Variants in RUNX1T1 observed in about 807,000 individuals in gnomAD.
RUNX1T1 encodes the protein RUNX1 partner transcriptional co-repressor 1, also known as protein CBFA2T1.
Under a neutral mutation model 62.8 loss-of-function variants are expected in RUNX1T1, and 4 were observed. That is an observed-to-expected ratio of 0.06 (90% CI 0.03 to 0.15). RUNX1T1 has a LOEUF of 0.15. Among genes scored for constraint, RUNX1T1 ranks in the 10% least tolerant of loss-of-function variants. RUNX1T1 has a pLI of 1.00. For missense variants in RUNX1T1, 508 were observed against 754.3 expected (o/e 0.67, Z 3.82); for synonymous variants, 291 against 286.0 (o/e 1.02, Z -0.18).
chr8:91,980,678 A>G (rs1248767039), intron 8 of RUNX1T1, among the ~76,000 whole-genome samples: 1 of 152,036 alleles, frequency 6.6e-6, no homozygotes, highest in Non-Finnish European at 1.5e-5. Context: ...AAATTTTTTA[A>G]TTTTATATTT....
At chr8:92,060,988 G>T (rs201037772) in intron 1 of RUNX1T1, among the ~76,000 whole-genome samples, 2 of 152,176 alleles carry the variant, frequency 1.3e-5, no homozygotes, top group East Asian at 3.9e-4. Flanking sequence ...TGTAGAACCA[G>T]ATGTATTAAC....
intron 8 of RUNX1T1, among the ~76,000 whole-genome samples, chr8:91,982,028 T>TGA (rs1185123766): frequency 6.6e-6 from 1 of 151,742 alleles, no homozygotes; most frequent in African/African-American, 2.4e-5. Flanking sequence ...GCAGATCCCT[T>TGA]GAGCTCAGGA....
At chr8:92,095,040 T>C in intron 1 of RUNX1T1, 1 of 1,535,468 alleles carries the variant, frequency 6.5e-7, no homozygotes, top group Non-Finnish European at 8.7e-7. Context: ...CGGTGAGTCC[T>C]GTCTGGATAG....
chr8:92,055,372 TAGA>T (rs1830871829), intron 1 of RUNX1T1, among the ~76,000 whole-genome samples: 1 of 152,158 alleles, frequency 6.6e-6, no homozygotes, highest in Non-Finnish European at 1.5e-5. Flanking sequence ...TTGTACAAAA[TAGA>T]AAACATTTTG....
chr8:92,028,864 G>C (rs564206386), intron 1 of RUNX1T1, among the ~76,000 whole-genome samples: 3 of 151,868 alleles, frequency 2.0e-5, no homozygotes, highest in African/African-American at 7.2e-5. Flanking sequence ...ATTCTGGAAA[G>C]TAAAAAAAAA....
chr8:92,003,285 T>A, intron 5 of RUNX1T1: 1 of 450,808 alleles, frequency 2.2e-6, no homozygotes, highest in Non-Finnish European at 4.4e-6. Context: ...AGTGTTAACA[T>A]ACTGCCCAGC....
intron 1 of RUNX1T1, among the ~76,000 whole-genome samples, chr8:92,086,820 C>A (rs1243751860): frequency 6.6e-6 from 1 of 152,182 alleles, no homozygotes; most frequent in South Asian, 2.1e-4. Context: ...ATACCTCCTG[C>A]CCCTGCCTCT....
At chr8:91,959,334 C>T (rs983843325) in exon 11 of RUNX1T1, 1 of 222,080 alleles carries the variant, frequency 4.5e-6, no homozygotes, top group Non-Finnish European at 9.1e-6. Context: ...AGTGAAGAAA[C>T]GTTGAAGGGT....
At chr8:92,026,049 GAA>G (rs1171103603) in intron 1 of RUNX1T1, among the ~76,000 whole-genome samples, 1 of 152,180 alleles carries the variant, frequency 6.6e-6, no homozygotes, top group African/African-American at 2.4e-5. Context: ...AAAACAAAGA[GAA>G]AAGCATATTG....
intron 5 of RUNX1T1, among the ~76,000 whole-genome samples, chr8:91,996,331 A>G (rs2130928990): frequency 6.6e-6 from 1 of 152,150 alleles, no homozygotes; most frequent in South Asian, 2.1e-4. Flanking sequence ...CCTCCTGAGT[A>G]GCTGGGACTA....
intron 9 of RUNX1T1, among the ~76,000 whole-genome samples, chr8:91,975,499 T>C (rs562350007): frequency 6.6e-6 from 1 of 151,850 alleles, no homozygotes; most frequent in Non-Finnish European, 1.5e-5. Flanking sequence ...TTTTTTTTTT[T>C]GGATGCAGGA....
upstream of RUNX1T1, among the ~76,000 whole-genome samples, chr8:92,102,094 G>A (rs564507955): frequency 3.9e-5 from 6 of 152,220 alleles, no homozygotes; most frequent in Admixed American, 1.3e-4. The surrounding 1 kb of genome is among the most constrained non-coding windows in gnomAD (Gnocchi z 4.5). Context: ...GGAACACCCA[G>A]GAGGGCCGGG....
At chr8:92,019,031 T>G (rs907455770) in intron 1 of RUNX1T1, 14 of 152,172 alleles carry the variant, frequency 9.2e-5, no homozygotes, top group African/African-American at 3.1e-4. Context: ...TTCAGATTGC[T>G]ACAACCAGTA....
chr8:92,053,446 T>G (rs1045302665), intron 1 of RUNX1T1, among the ~76,000 whole-genome samples: 23 of 152,090 alleles, frequency 1.5e-4, no homozygotes, highest in Admixed American at 6.5e-4. Context: ...TTCCAAAATA[T>G]CACACACACT....
chr8:92,045,989 G>A (rs1275874604), intron 1 of RUNX1T1, among the ~76,000 whole-genome samples: 2 of 151,986 alleles, frequency 1.3e-5, no homozygotes, highest in South Asian at 4.2e-4. Flanking sequence ...AATTTAAGTG[G>A]GTCCAAGGAA....
At chr8:92,014,784 T>C (rs1196738917) in exon 3 of RUNX1T1, 4 of 1,613,580 alleles carry the variant, frequency 2.5e-6, no homozygotes, top group African/African-American at 2.7e-5. Context: ...GGGGGCGCCA[T>C]TCAAGGCTGT....
chr8:92,022,049 T>A lies in RUNX1T1; in HGVS notation c.8-4686A>T, dbSNP rs192329798. On this transcript the variant is annotated intron_variant, in intron 1 of 10. Transcript: ENST00000396218. ...TAACATTTATCACAGCCCTTCTGTATGATGGACACATGTATATATTATACA... is the reference window on the plus strand; with the variant it reads ...TAACATTTATCACAGCCCTTCTGTAAGATGGACACATGTATATATTATACA... Among the ~76,000 whole-genome samples, 318 of 152,002 alleles carry A rather than the reference T, an allele frequency of 2.1e-3. 2 individuals carry two copies. The highest frequency in any genetic ancestry group is 0.011 in the Admixed American group (160 of 15,234).
At chr8:92,102,977 G>A, upstream of RUNX1T1, 1 of 1,386,032 alleles carries the variant, frequency 7.2e-7, no homozygotes, top group Non-Finnish European at 9.5e-7. The surrounding 1 kb of genome is among the most constrained non-coding windows in gnomAD (Gnocchi z 4.5). Context: ...CTTCCCTCGC[G>A]AGGCCAGAGT....
intron 1 of RUNX1T1, among the ~76,000 whole-genome samples, chr8:92,084,706 C>G (rs139626750): frequency 2.6e-5 from 4 of 152,178 alleles, no homozygotes; most frequent in African/African-American, 9.6e-5. Flanking sequence ...GAAAGTGTCA[C>G]CAGAGGCTTA....
Sources: allele counts gnomAD v4.1 joint callset (sites outside exome capture counted in the v4.1 genomes callset), GRCh38; gene constraint gnomAD v4.1.1; non-coding constraint Gnocchi (gnomAD v3.1); transcripts MANE v1.5; gene names NCBI Gene and HGNC (gene_info 2026-07-23, HGNC 2026-07-21).